Variants in CISD2 observed in about 807,000 individuals in gnomAD.
CISD2 encodes the protein CDGSH iron sulfur domain 2.
In CISD2, 1 loss-of-function variant was observed where a neutral mutation model predicts 12.9. The observed-to-expected ratio is 0.08, with a 90% CI of 0.03 to 0.37. The LOEUF (loss-of-function observed/expected upper bound fraction) is 0.37, where lower values mean the gene tolerates loss of function less well. Ranked by LOEUF, CISD2 falls within the 10% of genes least tolerant of loss-of-function variation. The pLI is 0.99. For missense variants in CISD2, 97 were observed against 163.1 expected, an observed-to-expected ratio of 0.59 and a Z score of 2.21; for synonymous variants, 50 against 60.6, an observed-to-expected ratio of 0.83 and a Z score of 0.81.
Position 102,890,840 on chromosome 4 carries a change from T to TAAAAAAAAAAAAAAAA in CISD2, c.*3423_*3424insAAAAAAAAAAAAAAAA, listed in dbSNP as rs199492699. The TAAAAAAAAAAAAAAAA allele has an allele frequency of 2.0e-4, 15 of 76,168 alleles. No homozygotes were observed. The highest frequency in any genetic ancestry group is 1.0e-3 in the African/African-American group (12 of 11,588). 4.7% of individuals were successfully genotyped at this position (76,168 alleles called of 1,614,324 possible). A position where few individuals can be genotyped will look rare whatever the true frequency, so the allele number is the denominator to read the frequency against. ...GGGCAACAGAAGTGAAACCCTATCT[T>TAAAAAAAAAAAAAAAA]AAAAAAAAAAAAAGTCTTTTTTTTT... On this transcript the variant is annotated 3_prime_UTR_variant, in exon 3 of 3. Coordinates refer to ENST00000273986, the MANE Select transcript of CISD2 (RefSeq NM_001008388.5).
Position 102,892,619 on chromosome 4 carries a change from A to T in CISD2, c.*5189A>T, listed in dbSNP as rs1380829156. On this transcript the variant is annotated 3_prime_UTR_variant, in exon 3 of 3. Coordinates refer to ENST00000273986, the MANE Select transcript of CISD2 (RefSeq NM_001008388.5). ...TTTTGAACAACTATGGTGAGAAAGT[A>T]TATTTGTGATACTGTTTTCTTAGAA... 2.6e-5 allele frequency: 4 copies of T among 152,216 alleles called. No individual in the cohort carries two copies. Among genetic ancestry groups the T allele is most frequent in the African/African-American group, 9.6e-5 (4 of 41,452 alleles). 9.4% of individuals were successfully genotyped at this position (152,216 alleles called of 1,614,324 possible). A position where few individuals can be genotyped will look rare whatever the true frequency, so the allele number is the denominator to read the frequency against.
intron 1 of CISD2, among the ~76,000 whole-genome samples, chr4:102,875,119 A>G (rs866396821): frequency 6.6e-6 from 1 of 152,180 alleles, no homozygotes. Context: ...TAACAATACT[A>G]TGGTGCTTAG....
At chr4:102,881,049 T>C (rs1422341788) in intron 1 of CISD2, among the ~76,000 whole-genome samples, 1 of 152,184 alleles carries the variant, frequency 6.6e-6, no homozygotes, top group East Asian at 1.9e-4. Flanking sequence ...TATTTTCCTT[T>C]CAAAGTATCT....
chr4:102,878,980 G>C (rs531842040), intron 1 of CISD2, among the ~76,000 whole-genome samples: 7 of 152,154 alleles, frequency 4.6e-5, no homozygotes, highest in Non-Finnish European at 7.3e-5. Flanking sequence ...TGACTAGGGA[G>C]GCCTCAGGAA....
At chr4:102,886,956 GTTTTAT>G (rs925932028) in intron 2 of CISD2, among the ~76,000 whole-genome samples, 14 of 152,224 alleles carry the variant, frequency 9.2e-5, no homozygotes, top group African/African-American at 3.4e-4. Context: ...GTATGCATGA[GTTTTAT>G]AGCAAGAAAA....
At position 102,889,938 on chromosome 4, in the gene CISD2, A is replaced by G. The variant is rs1305643127; in HGVS notation, c.*2508A>G. On this transcript the variant is annotated 3_prime_UTR_variant, in exon 3 of 3. Coordinates refer to ENST00000273986, the MANE Select transcript of CISD2 (RefSeq NM_001008388.5). Reference sequence around the variant, plus strand: ...AAAAGTAACTTGGCTCTTGAAATACATGTCTTCGGTTTCTAGAGCCTTCAA... The same window carrying G: ...AAAAGTAACTTGGCTCTTGAAATACGTGTCTTCGGTTTCTAGAGCCTTCAA... The G allele has an allele frequency of 6.6e-6, 1 of 152,176 alleles. No individual in the cohort carries two copies. Among genetic ancestry groups the G allele is most frequent in the East Asian group, 1.9e-4 (1 of 5,204 alleles). The allele number at this position is 152,176 out of a possible 1,614,324, so 9.4% of individuals were successfully genotyped here. A position where few individuals can be genotyped will look rare whatever the true frequency, so the allele number is the denominator to read the frequency against.
chr4:102,882,043 T>C (rs1022546307), intron 1 of CISD2, among the ~76,000 whole-genome samples: 1 of 152,048 alleles, frequency 6.6e-6, no homozygotes, highest in Admixed American at 6.6e-5. Context: ...AATACAAAAA[T>C]TAGCCAGACG....
At chr4:102,869,266 A>C (rs531238464) in intron 1 of CISD2, 79 bp downstream of exon 1, 3 of 1,528,672 alleles carry the variant, frequency 2.0e-6, no homozygotes, top group Non-Finnish European at 8.8e-7. Flanking sequence ...TCCTAGGGCC[A>C]AGGGGCGGGA....
chr4:102,884,634 A>C (rs1016639929), intron 1 of CISD2, among the ~76,000 whole-genome samples: 4 of 152,226 alleles, frequency 2.6e-5, no homozygotes, highest in Non-Finnish European at 5.9e-5. Flanking sequence ...AAGTTTATGG[A>C]ATTAGATATA....
chr4:102,871,447 A>T (rs758063318), intron 1 of CISD2, among the ~76,000 whole-genome samples: 2 of 152,196 alleles, frequency 1.3e-5, no homozygotes, highest in African/African-American at 2.4e-5. Context: ...CTTAAGTCCC[A>T]TTACAGTGTG....
At chr4:102,871,277 T>C (rs550177394) in intron 1 of CISD2, among the ~76,000 whole-genome samples, 131 of 152,324 alleles carry the variant, frequency 8.6e-4, no homozygotes, top group African/African-American at 3.0e-3. Context: ...TCAACAAATA[T>C]TTAATTCCTA....
At position 102,891,379 on chromosome 4, in the gene CISD2, T is replaced by C. The variant is rs1734241836; in HGVS notation, c.*3949T>C. ...TGACAGCAAGTCAGGGGAACAAAAA[T>C]AAATTTAAGGTGAACATTAAAGGCA... On this transcript the variant is annotated 3_prime_UTR_variant, in exon 3 of 3. Transcript: ENST00000273986. 1 of 152,184 alleles carries C rather than the reference T, an allele frequency of 6.6e-6. No individual in the cohort carries two copies. Among genetic ancestry groups the C allele is most frequent in the African/African-American group, 2.4e-5 (1 of 41,448 alleles). 9.4% of individuals were successfully genotyped at this position (152,184 alleles called of 1,614,324 possible).
intron 1 of CISD2, among the ~76,000 whole-genome samples, chr4:102,876,848 T>TA (rs1304005947): frequency 1.3e-5 from 2 of 152,110 alleles, no homozygotes; most frequent in African/African-American, 4.8e-5. Flanking sequence ...TTAGGAAACT[T>TA]ACGGTCATGG....
chr4:102,883,047 T>C (rs949912889), intron 1 of CISD2, among the ~76,000 whole-genome samples: 1 of 152,076 alleles, frequency 6.6e-6, no homozygotes, highest in Non-Finnish European at 1.5e-5. Context: ...CGCCCACATG[T>C]GTATATTAAC....
In CISD2 at chr4:102,892,753, A is replaced by G. The variant is rs1734315615; in HGVS notation, c.*5323A>G. 1.3e-5 allele frequency: 2 copies of G among 152,224 alleles called. 1 individual carries two copies. The highest frequency in any genetic ancestry group is 4.1e-4 in the South Asian group (2 of 4,824). 9.4% of individuals were successfully genotyped at this position (152,224 alleles called of 1,614,324 possible). On this transcript the variant is annotated 3_prime_UTR_variant, in exon 3 of 3. Coordinates refer to ENST00000273986, the MANE Select transcript of CISD2 (RefSeq NM_001008388.5). ...AAAGGAGAAAAGGGTAGTACATTTC[A>G]TAATTAGAGATAACCCTGTACTAGT...
chr4:102,869,239 G>A (rs762888879), intron 1 of CISD2, 52 bp downstream of exon 1: 205 of 1,557,960 alleles, frequency 1.3e-4, no homozygotes, highest in Non-Finnish European at 1.6e-4. Context: ...GCCAAGCGGG[G>A]GAAGGAGGCG....
intron 1 of CISD2, among the ~76,000 whole-genome samples, chr4:102,877,782 C>T (rs1244709301): frequency 6.6e-6 from 1 of 152,250 alleles, no homozygotes; most frequent in Non-Finnish European, 1.5e-5. Flanking sequence ...TTCTAGACTT[C>T]TATGCACCCA....
chr4:102,881,971 C>T (rs1212887941), intron 1 of CISD2, among the ~76,000 whole-genome samples: 3 of 152,122 alleles, frequency 2.0e-5, no homozygotes, highest in Non-Finnish European at 4.4e-5. Context: ...GCAGGCGGAT[C>T]ACTTGAGGTC....
chr4:102,889,344 A>ACTT lies in CISD2; in HGVS notation c.*1915_*1917dup, dbSNP rs1295948234. 6.6e-6 allele frequency: 1 copy of ACTT among 152,252 alleles called. No homozygotes were observed. The highest frequency in any genetic ancestry group is 2.4e-5 in the African/African-American group (1 of 41,458). 9.4% of individuals were successfully genotyped at this position (152,252 alleles called of 1,614,324 possible). A position where few individuals can be genotyped will look rare whatever the true frequency, so the allele number is the denominator to read the frequency against. ...TTATTTTTCCACAGTTGGTCACCAG[A>ACTT]CTTTGGAAAAAATCCACCTCACCAA... is the stretch of plus-strand genomic sequence containing the variant. On this transcript the variant is annotated 3_prime_UTR_variant, in exon 3 of 3. Transcript: ENST00000273986.
Sources: gnomAD v4.1 joint callset for allele counts (sites outside exome capture counted in the v4.1 genomes callset) on GRCh38, gnomAD v4.1.1 for gene constraint, MANE v1.5 for transcripts, NCBI Gene and HGNC (gene_info 2026-07-23, HGNC 2026-07-21) for gene names.